The following MTMR10 variants were observed in gnomAD, a reference collection of about 807,000 sequenced individuals.
MTMR10 encodes myotubularin-related protein 10.
Under a neutral mutation model 88.1 loss-of-function variants are expected in MTMR10, and 56 were observed. That is an observed-to-expected ratio of 0.64 (90% confidence interval 0.51 to 0.79). The LOEUF (loss-of-function observed/expected upper bound fraction) is 0.79. Among genes scored for constraint, MTMR10 ranks in the 30% least tolerant of loss-of-function variants. The pLI is 0.00. For missense variants in MTMR10, 883 were observed against 924.7 expected (o/e 0.95, Z 0.58); for synonymous variants, 380 against 340.9 (o/e 1.11, Z -1.26).
intron 6 of MTMR10, chr15:30,966,106 A>T: frequency 4.5e-6 from 2 of 448,244 alleles, no homozygotes; most frequent in South Asian, 3.2e-5. Flanking sequence ...AACTATGGCC[A>T]GTGTTATGTT....
In MTMR10 at chr15:30,953,581, G is replaced by A. The variant is rs145070508; in HGVS notation, c.1117C>T (p.Arg373Ter). 1.3e-6 allele frequency: 2 copies of A among 1,545,930 alleles called. No individual in the cohort carries two copies. The highest frequency in any genetic ancestry group is 1.8e-6 in the Non-Finnish European group (2 of 1,141,522). The change falls in exon 11 of 16, where the codon CGA (arginine) becomes TGA (stop). Residue 373 changes from arginine (R) to a stop codon, truncating the protein, a stop_gained. Transcript: ENST00000435680. LOFTEE classifies it high-confidence loss of function. ...ACAAACCTTACATATTCTAACCATC[G>A]AGTATTTTCCAGTGAAGATAACCAT... Reference protein sequence around the residue: ...EKWLSSLENTRWLEYVRAFLK... With the variant: ...EKWLSSLENT
At chr15:30,938,894 C>T (rs1287426149), downstream of MTMR10, 1 of 983,990 alleles carries the variant, frequency 1.0e-6, no homozygotes, top group Non-Finnish European at 1.2e-6. Context: ...TTCACCTCTT[C>T]TATCAATCAC....
chr15:30,974,351 A>T lies in MTMR10; in HGVS notation c.437T>A (p.Phe146Tyr). ...TTCGGGACCTGATTCATCAAAGCGA[A>T]ATCTGACAATTCTGAAATCTTTACA... is the stretch of plus-strand genomic sequence containing the variant. ...IYCKDFRIVRFRFDESGPESA... is the reference protein window; with the variant it reads ...IYCKDFRIVRYRFDESGPESA... Residue 146 changes from phenylalanine to tyrosine, a missense_variant, in exon 5 of 16, where the codon TTT becomes TAT. Transcript: ENST00000435680. 1 of 1,605,430 alleles carries T rather than the reference A, an allele frequency of 6.2e-7. No homozygotes were observed. The highest frequency in any genetic ancestry group is 8.5e-7 in the Non-Finnish European group (1 of 1,174,932).
intron 11 of MTMR10, among the ~76,000 whole-genome samples, chr15:30,952,781 G>A (rs536577529): frequency 3.3e-5 from 5 of 152,070 alleles, no homozygotes; most frequent in African/African-American, 7.2e-5. Flanking sequence ...TACCACAACC[G>A]GCCCCACTTT....
chr15:30,980,183 G>A (rs1473604184), intron 2 of MTMR10, among the ~76,000 whole-genome samples: 1 of 152,212 alleles, frequency 6.6e-6, no homozygotes. Flanking sequence ...TTTTTGATCT[G>A]CAATGTTGTA....
intron 2 of MTMR10, among the ~76,000 whole-genome samples, chr15:30,979,449 G>GCCAGGCGTGGTGGTGCA (rs2030399953): frequency 6.6e-6 from 1 of 151,684 alleles, no homozygotes; most frequent in African/African-American, 2.4e-5. Flanking sequence ...GTGGTGGTGC[G>GCCAGGCGTGGTGGTGCA]CACCTGTAGC....
At chr15:30,986,250 G>A (rs975353575) in intron 2 of MTMR10, among the ~76,000 whole-genome samples, 15 of 152,222 alleles carry the variant, frequency 9.9e-5, no homozygotes, top group Admixed American at 7.2e-4. Context: ...CCAGGAGGTT[G>A]AAGCTGCAGT....
At chr15:30,927,768 C>T in the MTMR10 span, 84 of 985,752 alleles carry the variant, frequency 8.5e-5, no homozygotes, top group Middle Eastern at 5.2e-4. Context: ...CAGAGAAGTA[C>T]GGACTTGGAG....
chr15:30,945,446 T>A (rs1406095801), intron 14 of MTMR10, among the ~76,000 whole-genome samples: 1 of 152,120 alleles, frequency 6.6e-6, no homozygotes. Context: ...GGCAGTGGTG[T>A]CTGGGGGCTG....
chr15:30,941,261 G>A lies in MTMR10; in HGVS notation c.*209C>T. 1 of 1,469,318 alleles carries A rather than the reference G, an allele frequency of 6.8e-7. No individual in the cohort carries two copies. The highest frequency in any genetic ancestry group is 9.0e-7 in the Non-Finnish European group (1 of 1,105,672). 91.0% of individuals were successfully genotyped at this position (1,469,318 alleles called of 1,614,324 possible). A position where few individuals can be genotyped will look rare whatever the true frequency, so the allele number is the denominator to read the frequency against. ...CGGTTACAAGAGCCAGACCTGTAAT[G>A]ACAGAAAGAGGACAGGAACAAAATT... is the stretch of plus-strand genomic sequence containing the variant. On this transcript the variant is annotated 3_prime_UTR_variant, in exon 16 of 16. Transcript: ENST00000435680.
rs116312927 is a variant in MTMR10 at position 30,980,003 on chromosome 15, C to T, written c.122-3048G>A. 5.5e-3 allele frequency among the ~76,000 whole-genome samples: 830 copies of T among 152,276 alleles called. 10 individuals carry two copies. The highest frequency in any genetic ancestry group is 0.019 in the African/African-American group (772 of 41,562). On this transcript the variant is annotated intron_variant, in intron 2 of 15. Coordinates refer to ENST00000435680, the MANE Select transcript of MTMR10 (RefSeq NM_017762.3). Reference sequence around the variant, plus strand: ...TACTTGAAACAAATACCTTATGGTCCGCAAAGCCTAAAATATTTACTGCAC... The same window carrying T: ...TACTTGAAACAAATACCTTATGGTCTGCAAAGCCTAAAATATTTACTGCAC...
chr15:30,983,742 A>T (rs1218543175), intron 2 of MTMR10, among the ~76,000 whole-genome samples: 1 of 152,218 alleles, frequency 6.6e-6, no homozygotes, highest in Non-Finnish European at 1.5e-5. Flanking sequence ...AAACCAGGAC[A>T]GTCTCAAGCA....
At chr15:30,971,566 T>TA (rs2063538392) in intron 5 of MTMR10, among the ~76,000 whole-genome samples, 1 of 152,184 alleles carries the variant, frequency 6.6e-6, no homozygotes, top group Non-Finnish European at 1.5e-5. Flanking sequence ...TTCACTTCTA[T>TA]AAAGTATTCC....
rs999212729 is a variant in MTMR10, at chr15:30,954,946, T to C, written c.936-53A>G. ...TTACTCATTCATTTCAGCATATATTTATTTAACCCTTACTATAGACCAGGG... is the reference window on the plus strand; with the variant it reads ...TTACTCATTCATTTCAGCATATATTCATTTAACCCTTACTATAGACCAGGG... On this transcript the variant is annotated intron_variant, in intron 9 of 15. Coordinates refer to ENST00000435680, the MANE Select transcript of MTMR10 (RefSeq NM_017762.3). The C allele has an allele frequency of 8.2e-6, 12 of 1,455,636 alleles. No individual in the cohort carries two copies. The African/African-American group carries it at 1.7e-4, about 21-fold the overall frequency. 90.2% of individuals were successfully genotyped at this position (1,455,636 alleles called of 1,614,324 possible). A position where few individuals can be genotyped will look rare whatever the true frequency, so the allele number is the denominator to read the frequency against.
chr15:30,989,531 T>C (rs191735094), intron 2 of MTMR10, among the ~76,000 whole-genome samples: 2 of 152,264 alleles, frequency 1.3e-5, no homozygotes, highest in East Asian at 3.9e-4. Flanking sequence ...CTTTAAGTAA[T>C]GAGTCAGATT....
chr15:30,922,135 G>A, the MTMR10 span: 21 of 1,398,826 alleles, frequency 1.5e-5, no homozygotes, highest in African/African-American at 1.6e-4. Flanking sequence ...GGAAAGATAC[G>A]CATTATAAAT....
chr15:30,944,433 G>A (rs1339776810), intron 14 of MTMR10, among the ~76,000 whole-genome samples: 1 of 151,802 alleles, frequency 6.6e-6, no homozygotes. Flanking sequence ...AGGCATGGTG[G>A]TGTGCACCTG....
chr15:30,928,356 C>T, the MTMR10 span: 1 of 1,338,342 alleles, frequency 7.5e-7, no homozygotes, highest in Non-Finnish European at 9.5e-7. Context: ...CCTTAAGGCT[C>T]TGTATATAAA....
At chr15:30,927,063 GCA>G in the MTMR10 span, 1 of 975,376 alleles carries the variant, frequency 1.0e-6, no homozygotes, top group Non-Finnish European at 1.2e-6. Flanking sequence ...TGTAATCCCA[GCA>G]CTTGGGGAGG....
Sources: allele counts gnomAD v4.1 joint callset (sites outside exome capture counted in the v4.1 genomes callset), GRCh38; gene constraint gnomAD v4.1.1; transcripts MANE v1.5; gene names NCBI Gene and HGNC (gene_info 2026-07-23, HGNC 2026-07-21).